The following PAM variants were observed in gnomAD, a reference collection of about 807,000 sequenced individuals.
PAM encodes the protein peptidyl-glycine alpha-amidating monooxygenase.
Under a neutral mutation model 122.1 loss-of-function variants are expected in PAM, and 72 were observed. The observed-to-expected ratio is 0.59, with a 90% confidence interval of 0.49 to 0.72. The LOEUF is 0.72. PAM is among the 30% of genes least tolerant of loss of function. The pLI is 0.00. For synonymous variants in PAM, 389 were observed against 404.4 expected (o/e 0.96, Z 0.46); for missense variants, 1,106 against 1,183.7 (o/e 0.93, Z 0.96).
chr5:102,783,157 C>A (rs191795154), intron 1 of PAM, among the ~76,000 whole-genome samples: 5 of 149,854 alleles, frequency 3.3e-5, no homozygotes, highest in African/African-American at 1.2e-4. Context: ...TATTTGTTGT[C>A]ATGACCAGGA....
At chr5:102,832,073 C>T (rs1284875434) in intron 1 of PAM, among the ~76,000 whole-genome samples, 1 of 152,068 alleles carries the variant, frequency 6.6e-6, no homozygotes, top group East Asian at 1.9e-4. Context: ...TGCAGTGGTT[C>T]TTCAGAATCT....
At chr5:102,854,617 A>G (rs1406793259) in intron 1 of PAM, among the ~76,000 whole-genome samples, 1 of 151,950 alleles carries the variant, frequency 6.6e-6, no homozygotes, top group Non-Finnish European at 1.5e-5. Context: ...CTCATTTTCC[A>G]TTCCAGGGTG....
chr5:102,948,085 G>T (rs1013822391), intron 8 of PAM, among the ~76,000 whole-genome samples: 6 of 152,064 alleles, frequency 3.9e-5, no homozygotes, highest in Non-Finnish European at 7.4e-5. Flanking sequence ...TTAATTTAAA[G>T]GTTAATCACA....
chr5:102,971,589 G>A (rs1765853879), intron 14 of PAM, among the ~76,000 whole-genome samples: 1 of 151,920 alleles, frequency 6.6e-6, no homozygotes, highest in South Asian at 2.1e-4. Flanking sequence ...GGGAGGGAGT[G>A]GTCCAGGCAG....
intron 1 of PAM, among the ~76,000 whole-genome samples, chr5:102,825,959 A>G (rs1353042074): frequency 1.3e-5 from 2 of 152,210 alleles, no homozygotes; most frequent in Non-Finnish European, 2.9e-5. Context: ...TTTTATTTCT[A>G]ACTCTACAAT....
chr5:103,028,833 A>T, intron 25 of PAM, 54 bp from the exon 26 acceptor site: 1 of 1,103,036 alleles, frequency 9.1e-7, no homozygotes, highest in Non-Finnish European at 1.3e-6. Context: ...TTTACAAGGT[A>T]ACAGACATTG....
intron 1 of PAM, among the ~76,000 whole-genome samples, chr5:102,768,433 G>T (rs571940145): frequency 1.3e-5 from 2 of 151,858 alleles, no homozygotes; most frequent in Non-Finnish European, 2.9e-5. Flanking sequence ...TCACGTACTA[G>T]ATCTTACTTA....
At chr5:102,933,848 C>T (rs1324832835) in intron 7 of PAM, among the ~76,000 whole-genome samples, 4 of 152,130 alleles carry the variant, frequency 2.6e-5, no homozygotes, top group Non-Finnish European at 4.4e-5. Context: ...TATTTCATTC[C>T]ACTATAAAGC....
At position 102,862,519 on chromosome 5, in the gene PAM, C is replaced by A. The variant is rs557337700; in HGVS notation, c.-373-3304C>A. Among the ~76,000 whole-genome samples, 3 of 152,240 alleles carry A rather than the reference C, an allele frequency of 2.0e-5. No homozygotes were observed. The South Asian group carries it at 6.2e-4, about 32-fold the overall frequency. ...AAGGAAACTGCATAAAATCCCCTTA[C>A]AAGAAAATGAAATTTACAGTTTGGT... On this transcript the variant is annotated intron_variant, in intron 1 of 25. Coordinates refer to ENST00000438793, the MANE Select transcript of PAM (RefSeq NM_001177306.2).
At chr5:103,005,296 G>C (rs1778617870) in intron 18 of PAM, 70 bp downstream of exon 18, 4 of 867,594 alleles carry the variant, frequency 4.6e-6, no homozygotes, top group Non-Finnish European at 7.8e-6. Context: ...CTCTGGAGTT[G>C]TATGGGTTTT....
At chr5:102,790,591 G>C (rs1321803966) in intron 1 of PAM, among the ~76,000 whole-genome samples, 2 of 151,992 alleles carry the variant, frequency 1.3e-5, no homozygotes, top group Non-Finnish European at 2.9e-5. Context: ...ATGGTATTAG[G>C]TTAGACAGAG....
chr5:102,877,955 G>A (rs1789751428), intron 3 of PAM, among the ~76,000 whole-genome samples: 1 of 151,874 alleles, frequency 6.6e-6, no homozygotes, highest in Admixed American at 6.6e-5. Context: ...TTGAGCCCAG[G>A]GAGTTGAAGC....
intron 20 of PAM, among the ~76,000 whole-genome samples, chr5:103,008,282 C>T (rs914302480): frequency 6.6e-6 from 1 of 151,816 alleles, no homozygotes; most frequent in African/African-American, 2.4e-5. Flanking sequence ...AATTTACATA[C>T]AATTACAATT....
intron 1 of PAM, among the ~76,000 whole-genome samples, chr5:102,831,668 G>C (rs879417362): frequency 5.9e-5 from 9 of 152,082 alleles, no homozygotes; most frequent in Non-Finnish European, 8.8e-5. Context: ...AGTTGATGTA[G>C]TTTGTGTATT....
chr5:102,950,416 G>GGTGTGTGTGTGTGTGTGTGTGTGTGT (rs1554134180), intron 11 of PAM, among the ~76,000 whole-genome samples: 29 of 145,962 alleles, frequency 2.0e-4, no homozygotes, highest in African/African-American at 5.7e-4. Context: ...TATGTGGGTG[G>GGTGTGTGTGTGTGTGTGTGTGTGTGT]GTGTGTGTGT....
intron 7 of PAM, among the ~76,000 whole-genome samples, chr5:102,941,489 C>A (rs1755207424): frequency 6.6e-6 from 1 of 152,168 alleles, no homozygotes; most frequent in South Asian, 2.1e-4. Flanking sequence ...CCAGGAAAAC[C>A]TCAGTGTAGC....
chr5:102,945,451 T>A (rs1024643165), intron 7 of PAM, among the ~76,000 whole-genome samples: 2 of 149,468 alleles, frequency 1.3e-5, no homozygotes, highest in Non-Finnish European at 3.0e-5. Context: ...TCATATAGCT[T>A]ATATAAACTA....
intron 8 of PAM, 49 bp from the exon 9 acceptor site, chr5:102,948,329 C>G (rs1181544939): frequency 9.8e-7 from 1 of 1,020,892 alleles, no homozygotes; most frequent in South Asian, 1.3e-5. Context: ...CCAAAACAGT[C>G]ATTTTGACTT....
At chr5:102,978,314 G>C (rs191957443) in intron 15 of PAM, among the ~76,000 whole-genome samples, 13 of 152,294 alleles carry the variant, frequency 8.5e-5, no homozygotes, top group Admixed American at 3.3e-4. Flanking sequence ...ATGACATACA[G>C]TGTGAAAATG....
Sources: allele counts gnomAD v4.1 joint callset (sites outside exome capture counted in the v4.1 genomes callset), GRCh38; gene constraint gnomAD v4.1.1; transcripts MANE v1.5; gene names NCBI Gene and HGNC (gene_info 2026-07-23, HGNC 2026-07-21).